ENTREP1: variants seen among roughly 807,000 people sequenced by gnomAD.
ENTREP1 encodes endosomal transmembrane epsin interactor 1, also known as Friedreich ataxia region gene X123.
At chr9:69,392,107 T>C in the ENTREP1 span, 1 of 416,148 alleles carries the variant, frequency 2.4e-6, no homozygotes, top group Admixed American at 3.8e-5. Context: ...GAAACTGGGC[T>C]AATGATTCTT....
the ENTREP1 span, among the ~76,000 whole-genome samples, chr9:69,335,956 C>T: frequency 9.5e-6 from 1 of 105,160 alleles, no homozygotes; most frequent in South Asian, 3.1e-4. Context: ...TGCACTGCAG[C>T]CTGGGTGGCA....
chr9:69,366,349 C>T, the ENTREP1 span, among the ~76,000 whole-genome samples: 324 of 145,890 alleles, frequency 2.2e-3, no homozygotes, highest in Middle Eastern at 3.7e-3. Flanking sequence ...TATCCACAAT[C>T]TTTGCCCATT....
chr9:69,326,036 G>A, the ENTREP1 span, among the ~76,000 whole-genome samples: 1 of 152,160 alleles, frequency 6.6e-6, no homozygotes, highest in Non-Finnish European at 1.5e-5. Context: ...AAAGTGGGAG[G>A]AAAATGATTA....
chr9:69,348,362 TG>T, the ENTREP1 span, among the ~76,000 whole-genome samples: 1 of 152,192 alleles, frequency 6.6e-6, no homozygotes, highest in Non-Finnish European at 1.5e-5. Context: ...TCAAGTGATC[TG>T]CCCAACTTGG....
At chr9:69,356,407 A>C in the ENTREP1 span, among the ~76,000 whole-genome samples, 1 of 152,190 alleles carries the variant, frequency 6.6e-6, no homozygotes, top group African/African-American at 2.4e-5. Context: ...ACAGACAGGG[A>C]AGGACTTGCT....
the ENTREP1 span, among the ~76,000 whole-genome samples, chr9:69,389,682 T>TCTG: frequency 6.6e-6 from 1 of 152,222 alleles, no homozygotes; most frequent in African/African-American, 2.4e-5. Flanking sequence ...AGGAGTCACT[T>TCTG]CTGGAAGGCT....
the ENTREP1 span, among the ~76,000 whole-genome samples, chr9:69,376,189 C>A: frequency 6.6e-6 from 1 of 152,166 alleles, no homozygotes; most frequent in African/African-American, 2.4e-5. Context: ...CATATGTATA[C>A]CTACACACAC....
chr9:69,385,463 C>A, the ENTREP1 span, among the ~76,000 whole-genome samples: 1 of 151,860 alleles, frequency 6.6e-6, no homozygotes, highest in Non-Finnish European at 1.5e-5. Context: ...TCAGTACTGC[C>A]CCAGAATGCT....
chr9:69,374,016 AG>A, the ENTREP1 span, among the ~76,000 whole-genome samples: 1 of 152,104 alleles, frequency 6.6e-6, no homozygotes, highest in South Asian at 2.1e-4. Flanking sequence ...CTTTTCAGGC[AG>A]TCTCTACTCT....
At chr9:69,326,805 C>T in the ENTREP1 span, among the ~76,000 whole-genome samples, 59 of 121,150 alleles carry the variant, frequency 4.9e-4, no homozygotes, top group African/African-American at 1.6e-3. Context: ...CTCAAGCGAT[C>T]CTCCTGCCTC....
At chr9:69,353,080 T>A in the ENTREP1 span, among the ~76,000 whole-genome samples, 1 of 152,118 alleles carries the variant, frequency 6.6e-6, no homozygotes, top group South Asian at 2.1e-4. Context: ...GAGGCTGCAG[T>A]GAGCCGTGAT....
the ENTREP1 span, among the ~76,000 whole-genome samples, chr9:69,369,594 C>CTTT: frequency 0.3 from 43,854 of 144,954 alleles, 7,620 homozygotes; most frequent in Non-Finnish European, 0.39. Flanking sequence ...AGATGATGAG[C>CTTT]TTTTTTTTTT....
chr9:69,351,438 A>C, the ENTREP1 span, among the ~76,000 whole-genome samples: 1 of 149,322 alleles, frequency 6.7e-6, no homozygotes, highest in Non-Finnish European at 1.5e-5. Context: ...TTATTTTGAG[A>C]CCAAGTTTCA....
chr9:69,385,947 G>A, the ENTREP1 span: 2 of 1,597,608 alleles, frequency 1.3e-6, no homozygotes. Context: ...TGAGGAGAGA[G>A]GTGATGTCAT....
At chr9:69,374,859 A>C in the ENTREP1 span, among the ~76,000 whole-genome samples, 3 of 152,174 alleles carry the variant, frequency 2.0e-5, no homozygotes, top group Non-Finnish European at 2.9e-5. Context: ...GTTTTTAGAA[A>C]TATTGGGCAG....
the ENTREP1 span, among the ~76,000 whole-genome samples, chr9:69,351,779 A>C: frequency 7.9e-5 from 12 of 152,142 alleles, no homozygotes; most frequent in African/African-American, 2.2e-4. Flanking sequence ...TACAAATCAG[A>C]TGTTGAACCT....
At chr9:69,388,388 G>A in the ENTREP1 span, 19 of 1,613,966 alleles carry the variant, frequency 1.2e-5, no homozygotes, top group Non-Finnish European at 1.6e-5. Context: ...CATTAAATCT[G>A]TTTTGAAATC....
At chr9:69,335,485 C>A in the ENTREP1 span, among the ~76,000 whole-genome samples, 1 of 152,140 alleles carries the variant, frequency 6.6e-6, no homozygotes, top group South Asian at 2.1e-4. Context: ...CCAGGGATGT[C>A]AGGAGCCTGG....
the ENTREP1 span, chr9:69,375,612 T>C: frequency 6.8e-6 from 5 of 736,058 alleles, no homozygotes; most frequent in South Asian, 3.7e-5. Flanking sequence ...TCCTGACTGA[T>C]AGAGGCATTG....
Sources: gnomAD v4.1 joint callset for allele counts (sites outside exome capture counted in the v4.1 genomes callset) on GRCh38, gnomAD v4.1.1 for gene constraint, MANE v1.5 for transcripts, NCBI Gene and HGNC (gene_info 2026-07-23, HGNC 2026-07-21) for gene names.